The following MAGI1 variants were observed in gnomAD, a reference collection of about 807,000 sequenced individuals.
MAGI1 encodes the protein membrane-associated guanylate kinase, WW and PDZ domain-containing protein 1.
MAGI1 carries 58 observed loss-of-function variants against 139.9 expected under a neutral mutation model. That is an observed-to-expected ratio of 0.41 (90% CI 0.34 to 0.52). The LOEUF is 0.52. MAGI1 is among the 20% of genes least tolerant of loss of function. The pLI is 0.12. For synonymous variants in MAGI1, 812 were observed against 737.9 expected (o/e 1.10, Z -1.63); for missense variants, 1,874 against 1,901.6 (o/e 0.99, Z 0.27).
In MAGI1 at chr3:65,615,777, T is replaced by A. The variant is rs372447513; in HGVS notation, c.430+6195A>T. Among the ~76,000 whole-genome samples the A allele has an allele frequency of 5.1e-4, 78 of 152,332 alleles. No individual in the cohort carries two copies. The South Asian group carries it at 0.016, about 30-fold the overall frequency. ...AAGTATTGTTATCTAATCCCATGATTTTTTAATTTGGCACAAAACTCCTTG... is the reference window on the plus strand; with the variant it reads ...AAGTATTGTTATCTAATCCCATGATATTTTAATTTGGCACAAAACTCCTTG... On this transcript the variant is annotated intron_variant, in intron 2 of 22. Coordinates refer to ENST00000402939, the MANE Select transcript of MAGI1 (RefSeq NM_001033057.2).
chr3:65,530,682 T>C (rs1397144566), intron 2 of MAGI1, among the ~76,000 whole-genome samples: 3 of 143,186 alleles, frequency 2.1e-5, no homozygotes, highest in Non-Finnish European at 3.0e-5. Flanking sequence ...TACATATATA[T>C]ATACGTGTAT....
intron 4 of MAGI1, among the ~76,000 whole-genome samples, chr3:65,477,515 G>A (rs561412119): frequency 4.6e-5 from 7 of 152,162 alleles, no homozygotes; most frequent in Admixed American, 2.6e-4. Context: ...CAATATTTAA[G>A]TACAATAACA....
Position 65,463,558 on chromosome 3 carries a change from A to ATGTGTGTGTGTG in MAGI1, c.959+6713_959+6724dup, listed in dbSNP as rs56135171. Among the ~76,000 whole-genome samples, 475 of 140,828 alleles carry ATGTGTGTGTGTG rather than the reference A, an allele frequency of 3.4e-3. 1 individual carries two copies. Among genetic ancestry groups the ATGTGTGTGTGTG allele is most frequent in the South Asian group, 0.013 (51 of 4,030 alleles). The allele number at this position is 140,828 out of a possible 152,430, so 92.4% of individuals were successfully genotyped here. Reference sequence around the variant, plus strand: ...TGTTCATCAGGGATATTGGCCTGAAATGTGTGTGTGTGTGTGTGTGTGTGT... The same window carrying ATGTGTGTGTGTG: ...TGTTCATCAGGGATATTGGCCTGAAATGTGTGTGTGTGTGTGTGTGTGTGTGTGTGTGTGTGT... On this transcript the variant is annotated intron_variant, in intron 5 of 22. Transcript: ENST00000402939.
chr3:65,364,813 C>T lies in MAGI1; in HGVS notation c.3290+40G>A, dbSNP rs769263286. 2.5e-6 allele frequency: 4 copies of T among 1,610,762 alleles called. No individual in the cohort carries two copies. The South Asian group carries it at 4.4e-5, about 18-fold the overall frequency. On this transcript the variant is annotated intron_variant, in intron 19 of 22. Coordinates refer to ENST00000402939, the MANE Select transcript of MAGI1 (RefSeq NM_001033057.2). ...ACATATATTGTCATGCTGGGAGTTACTTTTTTCCCCTTTAACAAAGGAAAC... is the reference window on the plus strand; with the variant it reads ...ACATATATTGTCATGCTGGGAGTTATTTTTTTCCCCTTTAACAAAGGAAAC...
intron 1 of MAGI1, among the ~76,000 whole-genome samples, chr3:65,912,998 C>T (rs950458567): frequency 3.3e-5 from 5 of 152,140 alleles, no homozygotes; most frequent in Non-Finnish European, 5.9e-5. Flanking sequence ...AGGGGCTGGG[C>T]GCAGTGGCTC....
chr3:65,970,553 A>C (rs927926443), intron 1 of MAGI1, among the ~76,000 whole-genome samples: 2 of 152,086 alleles, frequency 1.3e-5, no homozygotes, highest in Admixed American at 6.6e-5. Flanking sequence ...AAGAAAGCTT[A>C]ATATGGTATG....
intron 1 of MAGI1, among the ~76,000 whole-genome samples, chr3:66,034,013 G>C (rs951451322): frequency 7.2e-5 from 11 of 152,188 alleles, no homozygotes; most frequent in African/African-American, 2.7e-4. Flanking sequence ...CAGGTCACCT[G>C]TCTCATCTGA....
At chr3:65,514,859 C>T (rs1373156595) in intron 2 of MAGI1, among the ~76,000 whole-genome samples, 1 of 147,278 alleles carries the variant, frequency 6.8e-6, no homozygotes, top group Non-Finnish European at 1.5e-5. Flanking sequence ...CACATGCACA[C>T]GTATGTTTAT....
At chr3:65,988,478 C>T (rs915174115) in intron 1 of MAGI1, among the ~76,000 whole-genome samples, 5 of 152,174 alleles carry the variant, frequency 3.3e-5, no homozygotes, top group African/African-American at 4.8e-5. Flanking sequence ...CTACTAACAA[C>T]GTAGAGATGT....
chr3:65,939,307 T>C (rs2063200850), intron 1 of MAGI1, among the ~76,000 whole-genome samples: 1 of 152,212 alleles, frequency 6.6e-6, no homozygotes, highest in African/African-American at 2.4e-5. Flanking sequence ...GCCAAATGTT[T>C]AGTCCTCATT....
intron 1 of MAGI1, among the ~76,000 whole-genome samples, chr3:66,020,215 G>A (rs931078812): frequency 1.3e-5 from 2 of 152,148 alleles, no homozygotes; most frequent in South Asian, 2.1e-4. Context: ...TGAGGCAGAC[G>A]GATCACTTGA....
chr3:65,894,220 T>A (rs1480393861), intron 1 of MAGI1, among the ~76,000 whole-genome samples: 1 of 152,148 alleles, frequency 6.6e-6, no homozygotes, highest in Admixed American at 6.5e-5. Context: ...ATCAATAATA[T>A]CATCCCTACC....
intron 4 of MAGI1, among the ~76,000 whole-genome samples, chr3:65,474,567 A>G (rs1015143808): frequency 6.6e-6 from 1 of 152,048 alleles, no homozygotes; most frequent in South Asian, 2.1e-4. Flanking sequence ...AACGAACATG[A>G]ATGACATTTT....
In MAGI1 at chr3:65,381,844, C is replaced by T. The variant is rs185463974; in HGVS notation, c.2701+33G>A. Reference sequence around the variant, plus strand: ...GCCTTTTCTGTGAATAAAGTGACAACGCACTGTCTGAAGGAATGAATGAAA... The same window carrying T: ...GCCTTTTCTGTGAATAAAGTGACAATGCACTGTCTGAAGGAATGAATGAAA... On this transcript the variant is annotated intron_variant, in intron 16 of 22. Coordinates refer to ENST00000402939, the MANE Select transcript of MAGI1 (RefSeq NM_001033057.2). 5.1e-5 allele frequency: 79 copies of T among 1,555,966 alleles called. No individual in the cohort carries two copies. In the Admixed American group the frequency reaches 1.3e-3, roughly 26 times the overall value.
intron 1 of MAGI1, among the ~76,000 whole-genome samples, chr3:65,745,961 C>T (rs1381071272): frequency 1.3e-5 from 2 of 152,162 alleles, no homozygotes; most frequent in Non-Finnish European, 2.9e-5. Flanking sequence ...AACTCCTGGC[C>T]TAAAGTGATC....
chr3:65,911,665 T>C (rs575630173), intron 1 of MAGI1, among the ~76,000 whole-genome samples: 1 of 152,322 alleles, frequency 6.6e-6, no homozygotes, highest in South Asian at 2.1e-4. Flanking sequence ...CCCAACAGCA[T>C]AACCGCTCTC....
At chr3:65,508,407 AAAAAAT>A in intron 2 of MAGI1, among the ~76,000 whole-genome samples, 1 of 152,152 alleles carries the variant, frequency 6.6e-6, no homozygotes, top group East Asian at 1.9e-4. Flanking sequence ...CTGTCTCAAA[AAAAAAT>A]AAAAATAAAA....
intron 1 of MAGI1, among the ~76,000 whole-genome samples, chr3:65,967,944 G>A (rs777812068): frequency 4.6e-5 from 7 of 152,154 alleles, no homozygotes; most frequent in Non-Finnish European, 1.0e-4. Context: ...GGGTCAAGGA[G>A]GAAACTGAGG....
At chr3:65,795,295 T>C (rs979201150) in intron 1 of MAGI1, among the ~76,000 whole-genome samples, 1 of 152,154 alleles carries the variant, frequency 6.6e-6, no homozygotes, top group Non-Finnish European at 1.5e-5. Context: ...TCTTCTTCAA[T>C]AGCTGAGTGG....
Sources: gnomAD v4.1 joint callset for allele counts (sites outside exome capture counted in the v4.1 genomes callset) on GRCh38, gnomAD v4.1.1 for gene constraint, MANE v1.5 for transcripts, NCBI Gene and HGNC (gene_info 2026-07-23, HGNC 2026-07-21) for gene names.